Variants in SYT14 observed in about 807,000 individuals in gnomAD.
SYT14 encodes the protein synaptotagmin 14.
In SYT14, 32 loss-of-function variants were observed where a neutral mutation model predicts 74.2. The ratio of observed to expected loss-of-function variants is 0.43; its 90% CI spans 0.33 to 0.58. The LOEUF is 0.58. Among genes scored for constraint, SYT14 ranks in the 20% least tolerant of loss-of-function variants. SYT14 has a pLI of 0.05. For missense variants in SYT14, 791 were observed against 981.8 expected, an observed-to-expected ratio of 0.81 and a Z score of 2.60; for synonymous variants, 298 against 337.7, an observed-to-expected ratio of 0.88 and a Z score of 1.29.
intron 7 of SYT14, among the ~76,000 whole-genome samples, chr1:210,104,694 G>GA (rs1315022605): frequency 6.6e-6 from 1 of 151,976 alleles, no homozygotes; most frequent in Admixed American, 6.6e-5. Flanking sequence ...CAGCTTATTA[G>GA]ATTTGTTAAT....
At chr1:210,107,605 A>C (rs1219805846) in intron 7 of SYT14, among the ~76,000 whole-genome samples, 1 of 152,196 alleles carries the variant, frequency 6.6e-6, no homozygotes, top group Admixed American at 6.5e-5. Context: ...AAAAATGACT[A>C]ACCCTCTCCT....
At chr1:210,138,584 A>G (rs188819243) in intron 7 of SYT14, among the ~76,000 whole-genome samples, 3 of 152,294 alleles carry the variant, frequency 2.0e-5, no homozygotes, top group Admixed American at 6.5e-5. Context: ...TTTAATTGCT[A>G]TATATTGTTT....
chr1:210,000,540 C>T (rs966526158), intron 2 of SYT14, among the ~76,000 whole-genome samples: 1 of 148,454 alleles, frequency 6.7e-6, no homozygotes, highest in South Asian at 2.1e-4. Flanking sequence ...TTGCTTTTAT[C>T]GAATTTAATT....
At chr1:210,079,920 T>G (rs2081587814) in intron 5 of SYT14, among the ~76,000 whole-genome samples, 1 of 152,212 alleles carries the variant, frequency 6.6e-6, no homozygotes, top group East Asian at 1.9e-4. Flanking sequence ...AATAGGGAAT[T>G]ATTTATCAAG....
chr1:210,013,886 T>C, intron 3 of SYT14, 89 bp downstream of exon 3: 1 of 1,316,796 alleles, frequency 7.6e-7, no homozygotes, highest in Non-Finnish European at 1.0e-6. Flanking sequence ...AAAGGTTGGT[T>C]GTGACATACA....
exon 4 of SYT14, chr1:210,015,819 T>C: frequency 8.8e-7 from 1 of 1,135,002 alleles, no homozygotes; most frequent in South Asian, 4.6e-5. Context: ...GAATCTTTAC[T>C]TCAACATATT....
Position 210,021,382 on chromosome 1 carries a change from G to A in SYT14, c.1312+128G>A. On this transcript the variant is annotated intron_variant, in intron 5 of 9. Coordinates refer to ENST00000637265, the Ensembl canonical transcript of SYT14. ...ACATACAGTACAGTCACATTTCTGG[G>A]AATGTAATTTATTCAAATTTGTATC... 6.4e-6 allele frequency: 6 copies of A among 943,948 alleles called. No homozygotes were observed. In the South Asian group the frequency reaches 9.0e-5, roughly 14 times the overall value. The allele number at this position is 943,948 out of a possible 1,614,324, so 58.5% of individuals were successfully genotyped here.
intron 7 of SYT14, among the ~76,000 whole-genome samples, chr1:210,137,088 A>T (rs764568261): frequency 2.0e-5 from 3 of 152,140 alleles, no homozygotes; most frequent in Admixed American, 6.5e-5. Flanking sequence ...ATGCTTGAAA[A>T]TTTTATACAA....
At chr1:210,056,789 C>G (rs2081106603) in intron 5 of SYT14, among the ~76,000 whole-genome samples, 1 of 150,392 alleles carries the variant, frequency 6.6e-6, no homozygotes. Flanking sequence ...CCGTATCAAA[C>G]AACAACAACA....
intron 6 of SYT14, among the ~76,000 whole-genome samples, chr1:210,098,591 A>G (rs958424930): frequency 6.6e-6 from 1 of 152,140 alleles, no homozygotes; most frequent in Non-Finnish European, 1.5e-5. Context: ...AATGTTTCAC[A>G]CGTAAATTAT....
chr1:210,152,411 A>T (rs1031995724), intron 7 of SYT14, among the ~76,000 whole-genome samples: 1 of 152,098 alleles, frequency 6.6e-6, no homozygotes, highest in Non-Finnish European at 1.5e-5. Flanking sequence ...GAATACTGTT[A>T]GTGTCTTTTT....
At chr1:210,160,689 T>G (rs1455858444) in intron 9 of SYT14, 40 bp from the exon 9 acceptor site, 4 of 1,580,588 alleles carry the variant, frequency 2.5e-6, no homozygotes, top group Non-Finnish European at 3.5e-6. Flanking sequence ...TGAGTTTGTT[T>G]CAAATGATAT....
intron 2 of SYT14, among the ~76,000 whole-genome samples, chr1:209,992,223 C>T (rs2079703143): frequency 6.6e-6 from 1 of 152,096 alleles, no homozygotes; most frequent in Non-Finnish European, 1.5e-5. Flanking sequence ...ATAGCTCACT[C>T]ATCCTTGAAC....
intron 5 of SYT14, among the ~76,000 whole-genome samples, chr1:210,024,715 G>A (rs895951928): frequency 6.6e-6 from 1 of 152,176 alleles, no homozygotes; most frequent in Non-Finnish European, 1.5e-5. Flanking sequence ...AATTGATGAA[G>A]GAGAATGTGT....
At chr1:210,065,936 C>A (rs1348290810) in intron 5 of SYT14, among the ~76,000 whole-genome samples, 1 of 146,744 alleles carries the variant, frequency 6.8e-6, no homozygotes, top group African/African-American at 2.5e-5. Context: ...TCCATGTGTT[C>A]TCATTGTTCA....
At chr1:209,979,685 G>T (rs1038625088) in intron 2 of SYT14, among the ~76,000 whole-genome samples, 1 of 152,096 alleles carries the variant, frequency 6.6e-6, no homozygotes, top group Non-Finnish European at 1.5e-5. Flanking sequence ...CCTCCCACTT[G>T]TAAGTGAGAA....
chr1:209,993,723 C>T (rs1455634643), intron 2 of SYT14, among the ~76,000 whole-genome samples: 3 of 152,118 alleles, frequency 2.0e-5, no homozygotes, highest in Non-Finnish European at 4.4e-5. Context: ...GGAGCTCCCC[C>T]AAGTGGACCT....
intron 5 of SYT14, among the ~76,000 whole-genome samples, chr1:210,050,801 G>T (rs908143471): frequency 6.6e-6 from 1 of 152,138 alleles, no homozygotes; most frequent in Non-Finnish European, 1.5e-5. Context: ...GTGCAGGAAA[G>T]ACCCACTCCC....
At chr1:209,998,256 C>A (rs1006717098) in intron 2 of SYT14, among the ~76,000 whole-genome samples, 1 of 151,884 alleles carries the variant, frequency 6.6e-6, no homozygotes, top group Non-Finnish European at 1.5e-5. Context: ...AGGTGAAAGA[C>A]CTCTATAAGG....
Sources: allele counts gnomAD v4.1 joint callset (sites outside exome capture counted in the v4.1 genomes callset), GRCh38; gene constraint gnomAD v4.1.1; transcripts MANE v1.5; gene names NCBI Gene and HGNC (gene_info 2026-07-23, HGNC 2026-07-21).